Variants in RARB observed in about 807,000 individuals in gnomAD.
RARB encodes the protein retinoic acid receptor beta.
A neutral mutation model predicts 51.9 loss-of-function variants in RARB; 17 were observed. The ratio of observed to expected loss-of-function variants is 0.33; its 90% CI spans 0.22 to 0.49. The LOEUF (loss-of-function observed/expected upper bound fraction) is 0.49. Among genes scored for constraint, RARB ranks in the 20% least tolerant of loss-of-function variants. RARB has a pLI of 0.99. For synonymous variants in RARB, 215 were observed against 195.4 expected (o/e 1.10, Z -0.84); for missense variants, 369 against 550.8 (o/e 0.67, Z 3.30).
intron 5 of RARB, among the ~76,000 whole-genome samples, chr3:25,419,044 A>AT (rs35494234): frequency 7.9e-5 from 12 of 151,110 alleles, no homozygotes; most frequent in East Asian, 5.9e-4. Context: ...AAGCCTGTGT[A>AT]TTTTTTTTGC....
chr3:25,062,998 T>C (rs775528944), intron 3 of RARB, among the ~76,000 whole-genome samples: 2 of 152,004 alleles, frequency 1.3e-5, no homozygotes, highest in Non-Finnish European at 2.9e-5. Flanking sequence ...ATACAACTCA[T>C]AGAGTTTGTG....
intron 3 of RARB, among the ~76,000 whole-genome samples, chr3:25,569,178 A>G (rs1700614879): frequency 1.3e-5 from 2 of 152,258 alleles, no homozygotes; most frequent in Non-Finnish European, 2.9e-5. Flanking sequence ...TTATATTCCA[A>G]AACAGATAAT....
At position 25,362,340 on chromosome 3, in the gene RARB, G is replaced by A. The variant is rs527531094; in HGVS notation, c.179-98853G>A. On this transcript the variant is annotated intron_variant, in intron 5 of 11. Transcript: ENST00000383772. ...CAGTAATGGTGGACGCCCCTCCCCC[G>A]ACCAAACTCAAAAGTCCCAGGTCAA... Among the ~76,000 whole-genome samples the A allele has an allele frequency of 1.9e-4, 29 of 152,122 alleles. 1 individual carries two copies. In the South Asian group the frequency reaches 4.2e-3, roughly 22 times the overall value.
In RARB at chr3:25,253,580, G is replaced by T. The variant is rs74863067; in HGVS notation, c.178+79005G>T. Among the ~76,000 whole-genome samples the T allele has an allele frequency of 8.5e-4, 129 of 152,094 alleles. 1 individual carries two copies. In the East Asian group the frequency reaches 0.016, roughly 19 times the overall value. ...TATAGATAATACTGAATTTTCAAAG[G>T]TAATAGAAAGGAAGAGTAGAGGGGA... On this transcript the variant is annotated intron_variant, in intron 5 of 11. Transcript: ENST00000383772.
chr3:25,366,593 C>G (rs558011704), intron 5 of RARB, among the ~76,000 whole-genome samples: 35 of 152,202 alleles, frequency 2.3e-4, no homozygotes, highest in South Asian at 6.2e-4. Flanking sequence ...AAATAATATA[C>G]AGGGCACAAT....
At chr3:24,902,169 C>G (rs1449492752) in intron 2 of RARB, among the ~76,000 whole-genome samples, 1 of 152,100 alleles carries the variant, frequency 6.6e-6, no homozygotes, top group Non-Finnish European at 1.5e-5. Flanking sequence ...TGTCCACATT[C>G]CTACGTCTGA....
chr3:25,146,499 GTTTGTTTGTTTGT>G (rs1182658783), intron 4 of RARB, among the ~76,000 whole-genome samples: 2 of 104,384 alleles, frequency 1.9e-5, no homozygotes, highest in African/African-American at 3.5e-5. Context: ...TAAGTTTTTT[GTTTGTTTGTTTGT>G]TTTTTTTTTT....
In RARB at chr3:25,539,388, G is replaced by T. The variant is rs6799748; in HGVS notation, c.449-30370G>T. Among the ~76,000 whole-genome samples, 450 of 151,966 alleles carry T rather than the reference G, an allele frequency of 3.0e-3. 3 individuals are homozygous for T. The highest frequency in any genetic ancestry group is 0.01 in the African/African-American group (428 of 41,446). ...GTACTGAGAATAATTCTCAATATTT[G>T]GTCATAGGCATTGTGTCCCTTCTGA... On this transcript the variant is annotated intron_variant, in intron 3 of 7. Transcript: ENST00000330688.
chr3:25,584,180 C>G (rs1004193754), intron 5 of RARB, among the ~76,000 whole-genome samples: 2 of 152,180 alleles, frequency 1.3e-5, no homozygotes, highest in Admixed American at 6.5e-5. Context: ...TTCTCTTCTT[C>G]CTTCCGCAAA....
At chr3:25,417,296 A>G (rs1707730536) in intron 5 of RARB, among the ~76,000 whole-genome samples, 1 of 152,090 alleles carries the variant, frequency 6.6e-6, no homozygotes, top group African/African-American at 2.4e-5. Flanking sequence ...GCCACTGACC[A>G]GTCCTCCCAG....
rs1485717568 is a variant in RARB at position 24,989,924 on chromosome 3, C to G, written c.-379-70201C>G. Among the ~76,000 whole-genome samples, 21 of 95,902 alleles carry G rather than the reference C, an allele frequency of 2.2e-4. 4 individuals are homozygous for G. The highest frequency in any genetic ancestry group is 7.5e-4 in the African/African-American group (18 of 24,110). 62.9% of individuals were successfully genotyped at this position (95,902 alleles called of 152,430 possible). ...ACGCCATTCTCCTGCCTCAGCCTCC[C>G]GAGTAGCTGGGACTACAGGCGCCCG... On this transcript the variant is annotated intron_variant, in intron 2 of 11. Transcript: ENST00000383772.
chr3:25,520,901 G>A (rs1162817911), intron 3 of RARB, among the ~76,000 whole-genome samples: 1 of 152,150 alleles, frequency 6.6e-6, no homozygotes. Context: ...TTTAAAGATG[G>A]ACTTCAAGCA....
At chr3:24,988,424 T>C (rs1696840346) in intron 2 of RARB, among the ~76,000 whole-genome samples, 1 of 152,210 alleles carries the variant, frequency 6.6e-6, no homozygotes, top group Admixed American at 6.5e-5. Flanking sequence ...ACATGTTCTT[T>C]TCTACCAGAC....
At chr3:25,551,581 T>G (rs1237882728) in intron 3 of RARB, among the ~76,000 whole-genome samples, 1 of 152,140 alleles carries the variant, frequency 6.6e-6, no homozygotes, top group Non-Finnish European at 1.5e-5. Flanking sequence ...CAATGTGAGG[T>G]GCCAGTGATA....
chr3:25,138,566 C>T (rs1700066206), intron 4 of RARB, among the ~76,000 whole-genome samples: 1 of 151,978 alleles, frequency 6.6e-6, no homozygotes, highest in Non-Finnish European at 1.5e-5. Context: ...TAGATTTGAG[C>T]ATGAATGGAC....
intron 5 of RARB, among the ~76,000 whole-genome samples, chr3:25,246,012 C>G (rs1702551323): frequency 6.6e-6 from 1 of 152,080 alleles, no homozygotes. Context: ...AGGCTTTGTT[C>G]ATCCCTTTCC....
At chr3:25,156,516 CAAAAAAAAAAAAAA>C (rs35710364) in intron 4 of RARB, among the ~76,000 whole-genome samples, 1,990 of 56,946 alleles carry the variant, frequency 0.035, 70 homozygotes, top group African/African-American at 0.14. Flanking sequence ...GCCCCAACTG[CAAAAAAAAAAAAAA>C]AAAAAAAAAA....
intron 4 of RARB, among the ~76,000 whole-genome samples, chr3:25,152,226 G>GT (rs891740185): frequency 1.1e-4 from 16 of 152,086 alleles, no homozygotes; most frequent in African/African-American, 3.9e-4. Context: ...CGGTAGAGTT[G>GT]TTTTTTCTCT....
chr3:25,516,826 C>T (rs1399844220), intron 3 of RARB, among the ~76,000 whole-genome samples: 1 of 152,086 alleles, frequency 6.6e-6, no homozygotes, highest in African/African-American at 2.4e-5. Context: ...AGGGTTTTGC[C>T]ATGTTGGCCA....
Sources: allele counts gnomAD v4.1 joint callset (sites outside exome capture counted in the v4.1 genomes callset), GRCh38; gene constraint gnomAD v4.1.1; transcripts MANE v1.5; gene names NCBI Gene and HGNC (gene_info 2026-07-23, HGNC 2026-07-21).